Variants in PALM2AKAP2 observed in about 807,000 individuals in gnomAD.
The protein encoded by PALM2AKAP2 is PALM2-AKAP2 fusion protein.
In PALM2AKAP2, 37 loss-of-function variants were observed where a neutral mutation model predicts 71.5. The observed-to-expected ratio is 0.52, with a 90% confidence interval of 0.40 to 0.68. The LOEUF is 0.68. Among genes scored for constraint, PALM2AKAP2 ranks in the 30% least tolerant of loss-of-function variants. PALM2AKAP2 has a pLI of 0.00. For synonymous variants in PALM2AKAP2, 468 were observed against 478.8 expected (o/e 0.98, Z 0.29); for missense variants, 1,224 against 1,191.8 (o/e 1.03, Z -0.40).
At chr9:110,082,435 C>T (rs1834470537) in intron 1 of PALM2AKAP2, among the ~76,000 whole-genome samples, 1 of 152,132 alleles carries the variant, frequency 6.6e-6, no homozygotes, top group South Asian at 2.1e-4. Context: ...ATAAAAATCA[C>T]CCTTGAGATC....
At chr9:110,097,844 A>T (rs1366224895) in intron 1 of PALM2AKAP2, among the ~76,000 whole-genome samples, 1 of 139,370 alleles carries the variant, frequency 7.2e-6, no homozygotes, top group Non-Finnish European at 1.5e-5. Context: ...AGCTGAGATC[A>T]TGCCACTGCA....
intron 3 of PALM2AKAP2, among the ~76,000 whole-genome samples, chr9:109,919,161 G>A (rs1448579395): frequency 6.6e-6 from 1 of 152,192 alleles, no homozygotes; most frequent in East Asian, 1.9e-4. Context: ...ATCCCCTGTA[G>A]TGCCTAGCTC....
chr9:109,642,020 T>C (rs959536358), intron 1 of PALM2AKAP2, among the ~76,000 whole-genome samples: 2 of 152,192 alleles, frequency 1.3e-5, no homozygotes, highest in African/African-American at 4.8e-5. Flanking sequence ...CAATTGAATG[T>C]CTCTGAGCCT....
chr9:109,992,455 C>A lies in PALM2AKAP2; in HGVS notation c.497-23499C>A, dbSNP rs141613267. Among the ~76,000 whole-genome samples the A allele has an allele frequency of 1.8e-4, 27 of 152,232 alleles. No individual in the cohort carries two copies. The East Asian group carries it at 2.7e-3, about 15-fold the overall frequency. ...TTTATTTATTTTGAGACAGGGTCTACTTCTGTCGCCCAGGCTGGAGTGCAG... is the reference window on the plus strand; with the variant it reads ...TTTATTTATTTTGAGACAGGGTCTAATTCTGTCGCCCAGGCTGGAGTGCAG... On this transcript the variant is annotated intron_variant, in intron 6 of 9. Transcript: ENST00000302798.
intron 1 of PALM2AKAP2, among the ~76,000 whole-genome samples, chr9:110,100,026 A>T (rs908723547): frequency 7.8e-6 from 1 of 128,030 alleles, no homozygotes; most frequent in Admixed American, 8.4e-5. Flanking sequence ...GTGTGTCTTA[A>T]ACATATATGC....
At chr9:110,168,633 C>A (rs947696554) in exon 4 of PALM2AKAP2, 3 of 994,664 alleles carry the variant, frequency 3.0e-6, no homozygotes, top group African/African-American at 3.3e-5. Flanking sequence ...CCAGAAGCTG[C>A]AATATACAAT....
At chr9:109,719,060 C>G (rs1196060543) in intron 1 of PALM2AKAP2, among the ~76,000 whole-genome samples, 1 of 152,096 alleles carries the variant, frequency 6.6e-6, no homozygotes, top group East Asian at 1.9e-4. Flanking sequence ...AGGCCAAACT[C>G]TGGAATTTAA....
intron 6 of PALM2AKAP2, among the ~76,000 whole-genome samples, chr9:109,989,313 C>G (rs1588046647): frequency 6.6e-6 from 1 of 152,176 alleles, no homozygotes; most frequent in African/African-American, 2.4e-5. Context: ...GCAAGGCAAG[C>G]AGCTGGGACT....
At chr9:109,929,543 T>C (rs1831042432) in intron 5 of PALM2AKAP2, among the ~76,000 whole-genome samples, 1 of 151,868 alleles carries the variant, frequency 6.6e-6, no homozygotes, top group Non-Finnish European at 1.5e-5. Flanking sequence ...CCTTCCACAG[T>C]GGGAATTAAA....
At chr9:109,712,058 C>G (rs1322278) in intron 1 of PALM2AKAP2, among the ~76,000 whole-genome samples, 1 of 151,650 alleles carries the variant, frequency 6.6e-6, no homozygotes, top group Admixed American at 6.6e-5. Flanking sequence ...AGAGTAGGCT[C>G]TAAAGAGCTT....
chr9:110,025,756 T>C (rs1160650062), intron 7 of PALM2AKAP2, among the ~76,000 whole-genome samples: 3 of 152,210 alleles, frequency 2.0e-5, no homozygotes, highest in Non-Finnish European at 2.9e-5. Flanking sequence ...CGTATGTCAT[T>C]GTGGTTTTGG....
intron 1 of PALM2AKAP2, among the ~76,000 whole-genome samples, chr9:110,125,803 T>A (rs375742524): frequency 4.8e-4 from 73 of 151,162 alleles, no homozygotes; most frequent in African/African-American, 1.7e-3. Flanking sequence ...GCAAATCTTG[T>A]AAAACTCTCA....
chr9:109,669,070 C>T (rs947553554), intron 1 of PALM2AKAP2, among the ~76,000 whole-genome samples: 30 of 152,068 alleles, frequency 2.0e-4, no homozygotes, highest in African/African-American at 6.5e-4. Context: ...GGCTTGCAAT[C>T]GATGAAGAAA....
intron 1 of PALM2AKAP2, among the ~76,000 whole-genome samples, chr9:109,691,602 G>T (rs1050391067): frequency 6.6e-6 from 1 of 151,270 alleles, no homozygotes; most frequent in African/African-American, 2.4e-5. Context: ...ATAATTTCTA[G>T]TCTATGGTCT....
chr9:110,088,777 T>C (rs1186020738), intron 1 of PALM2AKAP2, among the ~76,000 whole-genome samples: 1 of 134,176 alleles, frequency 7.5e-6, no homozygotes, highest in African/African-American at 2.7e-5. Context: ...TGGAGTGCAG[T>C]GATGCGATCT....
At chr9:109,640,830 C>G (rs1827054122) in exon 1 of PALM2AKAP2, 1 of 1,515,904 alleles carries the variant, frequency 6.6e-7, no homozygotes, top group Non-Finnish European at 8.8e-7. Context: ...CGGTGAGCCC[C>G]GCAGCAGCGC....
intron 1 of PALM2AKAP2, among the ~76,000 whole-genome samples, chr9:109,683,484 G>A (rs1454761955): frequency 6.6e-6 from 1 of 152,156 alleles, no homozygotes; most frequent in Non-Finnish European, 1.5e-5. Flanking sequence ...GGGAGAGAAG[G>A]CAGGAATAGA....
intron 1 of PALM2AKAP2, among the ~76,000 whole-genome samples, chr9:109,837,138 G>T (rs900572871): frequency 6.6e-6 from 1 of 152,148 alleles, no homozygotes; most frequent in Admixed American, 6.5e-5. Context: ...AAAAGGTCAG[G>T]TTACCCACAA....
intron 1 of PALM2AKAP2, among the ~76,000 whole-genome samples, chr9:109,770,275 T>TA (rs1015974487): frequency 9.9e-5 from 15 of 151,936 alleles, no homozygotes; most frequent in African/African-American, 2.7e-4. Flanking sequence ...TTTTTTTTTT[T>TA]AACCAGGAGT....
Sources: gnomAD v4.1 joint callset for allele counts (sites outside exome capture counted in the v4.1 genomes callset) on GRCh38, gnomAD v4.1.1 for gene constraint, MANE v1.5 for transcripts, NCBI Gene and HGNC (gene_info 2026-07-23, HGNC 2026-07-21) for gene names.